PPARGC1A: variants seen among roughly 807,000 people sequenced by gnomAD.
The protein encoded by PPARGC1A is peroxisome proliferator-activated receptor gamma coactivator 1-alpha.
Under a neutral mutation model 88.7 loss-of-function variants are expected in PPARGC1A, and 25 were observed. That is an observed-to-expected ratio of 0.28 (90% CI 0.21 to 0.39). The LOEUF (loss-of-function observed/expected upper bound fraction) is 0.39, where lower values mean the gene tolerates loss of function less well. PPARGC1A is among the 10% of genes least tolerant of loss of function. The probability of loss-of-function intolerance (pLI) is 1.00; values close to 1 mark genes in which losing one functional copy is unlikely to be tolerated. For synonymous variants in PPARGC1A, 363 were observed against 355.6 expected (o/e 1.02, Z -0.24); for missense variants, 880 against 968.7 (o/e 0.91, Z 1.22).
the PPARGC1A span, among the ~76,000 whole-genome samples, chr4:24,229,846 A>AAC: frequency 6.8e-6 from 1 of 148,134 alleles, no homozygotes. Flanking sequence ...ACTGTCTCAA[A>AAC]AAAAAAAAAA....
At chr4:23,826,511 C>T (rs1015464284) in intron 5 of PPARGC1A, among the ~76,000 whole-genome samples, 5 of 152,064 alleles carry the variant, frequency 3.3e-5, no homozygotes, top group African/African-American at 4.8e-5. Context: ...GGAGATCATA[C>T]GTGATGTTCA....
chr4:24,334,534 C>T, the PPARGC1A span, among the ~76,000 whole-genome samples: 1 of 152,274 alleles, frequency 6.6e-6, no homozygotes, highest in East Asian at 1.9e-4. Flanking sequence ...GTTTTTGTCA[C>T]TTTTTTATTT....
At chr4:24,393,837 C>T in the PPARGC1A span, among the ~76,000 whole-genome samples, 4 of 152,200 alleles carry the variant, frequency 2.6e-5, no homozygotes, top group Non-Finnish European at 5.9e-5. Context: ...AGAAAATTTT[C>T]GCCGGGCATA....
chr4:24,319,822 G>A, the PPARGC1A span, among the ~76,000 whole-genome samples: 1 of 152,188 alleles, frequency 6.6e-6, no homozygotes, highest in Admixed American at 6.5e-5. Context: ...TTCACTATAA[G>A]AGGGATATGT....
At chr4:24,027,230 T>TGTGTGTGTGC in the PPARGC1A span, among the ~76,000 whole-genome samples, 1 of 127,398 alleles carries the variant, frequency 7.8e-6, no homozygotes, top group South Asian at 2.7e-4. Flanking sequence ...TGTGTGTCTG[T>TGTGTGTGTGC]GTGTGTCTGT....
At chr4:24,057,474 G>T in the PPARGC1A span, among the ~76,000 whole-genome samples, 1 of 134,432 alleles carries the variant, frequency 7.4e-6, no homozygotes, top group Admixed American at 7.3e-5. Context: ...AAAAAAAAAA[G>T]CCATGGGGAC....
the PPARGC1A span, among the ~76,000 whole-genome samples, chr4:24,312,667 C>T: frequency 6.8e-6 from 1 of 147,084 alleles, no homozygotes; most frequent in Non-Finnish European, 1.5e-5. Flanking sequence ...AACTTACTGA[C>T]TCACTGTCAT....
chr4:24,231,574 G>A, the PPARGC1A span, among the ~76,000 whole-genome samples: 19 of 152,292 alleles, frequency 1.2e-4, no homozygotes, highest in East Asian at 5.8e-4. Context: ...AAGGTTTCCG[G>A]AAGGGCAACT....
the PPARGC1A span, among the ~76,000 whole-genome samples, chr4:24,247,669 G>T: frequency 6.6e-6 from 1 of 152,314 alleles, no homozygotes; most frequent in Admixed American, 6.5e-5. Context: ...TAGTTGCCAG[G>T]ATTGGCTGGG....
the PPARGC1A span, among the ~76,000 whole-genome samples, chr4:24,112,818 G>A: frequency 2.0e-5 from 3 of 152,160 alleles, no homozygotes; most frequent in South Asian, 2.1e-4. Context: ...GCAAAAGAAC[G>A]TCGAGACCCA....
At chr4:24,470,685 CG>C in the PPARGC1A span, among the ~76,000 whole-genome samples, 1 of 151,958 alleles carries the variant, frequency 6.6e-6, no homozygotes, top group African/African-American at 2.4e-5. The surrounding 1 kb of genome is among the most constrained non-coding windows in gnomAD (Gnocchi z 5.8). Flanking sequence ...GAACGGCCGG[CG>C]TACTTCCCGG....
the PPARGC1A span, among the ~76,000 whole-genome samples, chr4:24,455,503 G>C: frequency 6.6e-6 from 1 of 152,142 alleles, no homozygotes; most frequent in South Asian, 2.1e-4. Context: ...AATAAATTTT[G>C]TTTACAAAAG....
the PPARGC1A span, among the ~76,000 whole-genome samples, chr4:24,153,095 C>G: frequency 6.6e-6 from 1 of 152,112 alleles, no homozygotes; most frequent in East Asian, 1.9e-4. Flanking sequence ...ACTTTGAATA[C>G]AGGAGGCGAA....
At chr4:24,123,944 CAG>C in the PPARGC1A span, among the ~76,000 whole-genome samples, 1 of 146,570 alleles carries the variant, frequency 6.8e-6, no homozygotes, top group Non-Finnish European at 1.5e-5. Flanking sequence ...ACAGCTGTGA[CAG>C]AATCAAATTT....
the PPARGC1A span, among the ~76,000 whole-genome samples, chr4:24,472,593 G>A: frequency 1.3e-5 from 2 of 152,190 alleles, no homozygotes; most frequent in Non-Finnish European, 2.9e-5. This position sits in a 1 kb window ranked among gnomAD's most constrained non-coding sequence, Gnocchi z 4.5. Flanking sequence ...AAAGGAGGGG[G>A]AAGGGAATGG....
At chr4:23,919,479 G>A in the PPARGC1A span, among the ~76,000 whole-genome samples, 2 of 142,948 alleles carry the variant, frequency 1.4e-5, no homozygotes, top group Non-Finnish European at 3.0e-5. Flanking sequence ...ATCTTAGAAG[G>A]TATTATGCCT....
chr4:24,329,554 C>G, the PPARGC1A span, among the ~76,000 whole-genome samples: 2 of 152,210 alleles, frequency 1.3e-5, no homozygotes, highest in South Asian at 4.1e-4. Flanking sequence ...CTTCCTCTCT[C>G]TTTACCTGGC....
the PPARGC1A span, among the ~76,000 whole-genome samples, chr4:24,234,025 C>G: frequency 6.6e-6 from 1 of 152,158 alleles, no homozygotes. Flanking sequence ...GTCGGGAAAA[C>G]CAATACAATA....
the PPARGC1A span, among the ~76,000 whole-genome samples, chr4:24,239,217 C>T: frequency 5.2e-4 from 79 of 152,266 alleles, no homozygotes; most frequent in African/African-American, 1.8e-3. Context: ...CCAAGCTAGG[C>T]AGGCACAAGG....
Sources: gnomAD v4.1 joint callset for allele counts (sites outside exome capture counted in the v4.1 genomes callset) on GRCh38, gnomAD v4.1.1 for gene constraint, Gnocchi (gnomAD v3.1) non-coding constraint, MANE v1.5 for transcripts, NCBI Gene and HGNC (gene_info 2026-07-23, HGNC 2026-07-21) for gene names.